The following NEO1 variants were observed in gnomAD, a reference collection of about 807,000 sequenced individuals.
NEO1 encodes neogenin 1.
A neutral mutation model predicts 159.7 loss-of-function variants in NEO1; 63 were observed. The observed-to-expected ratio is 0.39, with a 90% CI of 0.32 to 0.49. The LOEUF is 0.49. Among genes scored for constraint, NEO1 ranks in the 20% least tolerant of loss-of-function variants. The probability of loss-of-function intolerance (pLI) is 0.85; values close to 1 mark genes in which losing one functional copy is unlikely to be tolerated. For synonymous variants in NEO1, 633 were observed against 662.0 expected, an observed-to-expected ratio of 0.96 and a Z score of 0.67; for missense variants, 1,615 against 1,831.0, an observed-to-expected ratio of 0.88 and a Z score of 2.15.
At chr15:73,222,714 T>G (rs534346285) in intron 7 of NEO1, among the ~76,000 whole-genome samples, 1 of 152,218 alleles carries the variant, frequency 6.6e-6, no homozygotes, top group Non-Finnish European at 1.5e-5. Flanking sequence ...TAAATTGTTC[T>G]TTGATGTAAA....
intron 28 of NEO1, 99 bp downstream of exon 28, chr15:73,301,556 G>A (rs113660874): frequency 2.0e-4 from 298 of 1,496,368 alleles, no homozygotes; most frequent in Non-Finnish European, 2.5e-4. Context: ...TACCAGGCCC[G>A]CCACCCAGAA....
rs1216784866 is a variant in NEO1, at chr15:73,303,633, C to T, written c.*937C>T. ...TTCCTGGCATGTCCATCCTTATTGT[C>T]ACTACGTTGCAACTGGAGTTTGATT... On this transcript the variant is annotated 3_prime_UTR_variant, in exon 29 of 29. Coordinates refer to ENST00000261908, the MANE Select transcript of NEO1 (RefSeq NM_002499.4). 2 of 152,162 alleles carry T rather than the reference C, an allele frequency of 1.3e-5. No individual in the cohort carries two copies. Among genetic ancestry groups the T allele is most frequent in the African/African-American group, 4.8e-5 (2 of 41,420 alleles). 9.4% of individuals were successfully genotyped at this position (152,162 alleles called of 1,614,324 possible). A position where few individuals can be genotyped will look rare whatever the true frequency, so the allele number is the denominator to read the frequency against.
intron 1 of NEO1, among the ~76,000 whole-genome samples, chr15:73,096,399 C>T (rs1038872111): frequency 6.6e-6 from 1 of 152,120 alleles, no homozygotes; most frequent in Non-Finnish European, 1.5e-5. Flanking sequence ...GGAGATGAAA[C>T]GTGGCTTTAC....
chr15:73,281,415 G>A (rs925131381), intron 22 of NEO1, among the ~76,000 whole-genome samples: 2 of 151,462 alleles, frequency 1.3e-5, no homozygotes, highest in Admixed American at 6.6e-5. Context: ...CACCATGCCC[G>A]GCTAATTTTT....
At chr15:73,267,988 C>T (rs895702318) in intron 16 of NEO1, among the ~76,000 whole-genome samples, 6 of 152,282 alleles carry the variant, frequency 3.9e-5, no homozygotes, top group African/African-American at 1.2e-4. Flanking sequence ...GGAAGGCTTA[C>T]CTTTCCTGAA....
At chr15:73,101,430 CT>C (rs1024354783) in intron 1 of NEO1, among the ~76,000 whole-genome samples, 1 of 152,246 alleles carries the variant, frequency 6.6e-6, no homozygotes, top group African/African-American at 2.4e-5. Context: ...CACACGCTCT[CT>C]TTCCCACTCT....
intron 1 of NEO1, among the ~76,000 whole-genome samples, chr15:73,072,142 G>A (rs1265615897): frequency 1.3e-5 from 2 of 151,994 alleles, no homozygotes; most frequent in South Asian, 2.1e-4. Context: ...GTAGAGACAG[G>A]GTTTCACCAT....
chr15:73,281,647 A>G (rs2041722482), intron 22 of NEO1, among the ~76,000 whole-genome samples: 1 of 152,198 alleles, frequency 6.6e-6, no homozygotes, highest in Non-Finnish European at 1.5e-5. Flanking sequence ...ATGCCTCTTA[A>G]GTACTTCCAA....
At chr15:73,292,034 T>G (rs1306914755) in intron 25 of NEO1, among the ~76,000 whole-genome samples, 1 of 152,156 alleles carries the variant, frequency 6.6e-6, no homozygotes, top group Non-Finnish European at 1.5e-5. Context: ...CTCTGTTGTT[T>G]TATTCCCGGG....
At chr15:73,267,714 G>A (rs1398783090) in intron 16 of NEO1, among the ~76,000 whole-genome samples, 1 of 151,684 alleles carries the variant, frequency 6.6e-6, no homozygotes, top group East Asian at 1.9e-4. Context: ...CAAAGGACAT[G>A]AACTCATCAT....
intron 1 of NEO1, among the ~76,000 whole-genome samples, chr15:73,101,448 G>T (rs992007407): frequency 3.3e-5 from 5 of 152,156 alleles, no homozygotes; most frequent in African/African-American, 9.7e-5. Flanking sequence ...CTCTCTCTCT[G>T]CAGCTCTTTT....
intron 7 of NEO1, among the ~76,000 whole-genome samples, chr15:73,181,724 A>G (rs2035623354): frequency 6.6e-6 from 1 of 152,090 alleles, no homozygotes; most frequent in Admixed American, 6.6e-5. Context: ...CCATGACCCA[A>G]ACACCTCCCC....
intron 25 of NEO1, among the ~76,000 whole-genome samples, chr15:73,289,523 C>G (rs936450172): frequency 1.3e-5 from 2 of 152,188 alleles, no homozygotes; most frequent in Non-Finnish European, 2.9e-5. Flanking sequence ...CATCATATCT[C>G]TATGGGAGAG....
At chr15:73,132,050 A>C (rs550201472) in intron 4 of NEO1, among the ~76,000 whole-genome samples, 7 of 152,186 alleles carry the variant, frequency 4.6e-5, no homozygotes, top group African/African-American at 1.7e-4. Flanking sequence ...TTCTTTTGCT[A>C]TACCATTTTG....
intron 5 of NEO1, among the ~76,000 whole-genome samples, chr15:73,159,102 A>T (rs1904335): frequency 2.0e-5 from 3 of 152,014 alleles, no homozygotes; most frequent in African/African-American, 2.4e-5. Context: ...TGTCTCAAAA[A>T]TTTTTTTAAA....
Position 73,303,812 on chromosome 15 carries a change from G to C in NEO1, c.*1116G>C, listed in dbSNP as rs763059012. 1 of 152,206 alleles carries C rather than the reference G, an allele frequency of 6.6e-6. No homozygotes were observed. Among genetic ancestry groups the C allele is most frequent in the East Asian group, 1.9e-4 (1 of 5,196 alleles). 9.4% of individuals were successfully genotyped at this position (152,206 alleles called of 1,614,324 possible). A position where few individuals can be genotyped will look rare whatever the true frequency, so the allele number is the denominator to read the frequency against. ...GTCACACAGAATAGGGTAAGAGCCT[G>C]ACCCCATTCTGTAAATCAGAAAGCA... is the stretch of plus-strand genomic sequence containing the variant. On this transcript the variant is annotated 3_prime_UTR_variant, in exon 29 of 29. Coordinates refer to ENST00000261908, the MANE Select transcript of NEO1 (RefSeq NM_002499.4).
intron 7 of NEO1, among the ~76,000 whole-genome samples, chr15:73,229,671 T>C (rs2038799758): frequency 6.6e-6 from 1 of 152,130 alleles, no homozygotes; most frequent in Admixed American, 6.5e-5. Context: ...CTTTCACCAT[T>C]ACATACAGTG....
rs1262543860 is a variant in NEO1, at chr15:73,302,791, A to G, written c.*95A>G. 1.7e-6 allele frequency: 2 copies of G among 1,144,938 alleles called. No individual in the cohort carries two copies. The highest frequency in any genetic ancestry group is 2.6e-6 in the Non-Finnish European group (2 of 781,818). The allele number at this position is 1,144,938 out of a possible 1,614,324, so 70.9% of individuals were successfully genotyped here. ...ATTGTACAGAGTACGAGAGGACAGC[A>G]CTTGAGAACACAGAATGAGCCAGCA... is the stretch of plus-strand genomic sequence containing the variant. On this transcript the variant is annotated 3_prime_UTR_variant, in exon 29 of 29. Coordinates refer to ENST00000261908, the MANE Select transcript of NEO1 (RefSeq NM_002499.4).
In NEO1 at chr15:73,236,790, T is replaced by C. The variant is rs147797425; in HGVS notation, c.1451+284T>C. Among the ~76,000 whole-genome samples, 240 of 152,316 alleles carry C rather than the reference T, an allele frequency of 1.6e-3. 1 individual carries two copies. The highest frequency in any genetic ancestry group is 0.014 in the Admixed American group (210 of 15,300). On this transcript the variant is annotated intron_variant, in intron 8 of 28. Transcript: ENST00000261908. ...CCCTTTTTTCATAAGATTCAGTCAG[T>C]ATAAATTCTAGAGATTAAGGTAGAC... is the stretch of plus-strand genomic sequence containing the variant.
Sources: gnomAD v4.1 joint callset for allele counts (sites outside exome capture counted in the v4.1 genomes callset) on GRCh38, gnomAD v4.1.1 for gene constraint, MANE v1.5 for transcripts, NCBI Gene and HGNC (gene_info 2026-07-23, HGNC 2026-07-21) for gene names.